The following ANAPC1 variants were observed in gnomAD, a reference collection of about 807,000 sequenced individuals.
The protein encoded by ANAPC1 is anaphase-promoting complex subunit 1.
Under a neutral mutation model 208.0 loss-of-function variants are expected in ANAPC1, and 36 were observed. The ratio of observed to expected loss-of-function variants is 0.17; its 90% CI spans 0.13 to 0.23. The LOEUF is 0.23. Ranked by LOEUF, ANAPC1 falls within the 10% of genes least tolerant of loss-of-function variation. The probability of loss-of-function intolerance (pLI) is 1.00; values close to 1 mark genes in which losing one functional copy is unlikely to be tolerated. For missense variants in ANAPC1, 942 were observed against 2,011.6 expected (o/e 0.47, Z 10.17); for synonymous variants, 378 against 695.2 (o/e 0.54, Z 7.18).
At chr2:111,862,835 A>C (rs1682151865) in intron 9 of ANAPC1, among the ~76,000 whole-genome samples, 1 of 152,076 alleles carries the variant, frequency 6.6e-6, no homozygotes, top group Admixed American at 6.6e-5. Flanking sequence ...TTACAACTAA[A>C]ACTTAGATCA....
intron 16 of ANAPC1, among the ~76,000 whole-genome samples, chr2:111,846,272 C>T (rs1681054771): frequency 6.6e-6 from 1 of 151,536 alleles, no homozygotes. Flanking sequence ...AATTGCATCT[C>T]AGGAATAATT....
At chr2:111,835,437 A>G (rs1157186733) in intron 18 of ANAPC1, among the ~76,000 whole-genome samples, 1 of 152,346 alleles carries the variant, frequency 6.6e-6, no homozygotes, top group East Asian at 1.9e-4. Flanking sequence ...AATGTGGTTT[A>G]TGCTATTTCC....
Position 111,845,452 on chromosome 2 carries a change from T to C in ANAPC1, c.1852+1686A>G, listed in dbSNP as rs552021818. Among the ~76,000 whole-genome samples the C allele has an allele frequency of 9.2e-5, 14 of 152,206 alleles. No individual in the cohort carries two copies. The South Asian group carries it at 1.5e-3, about 16-fold the overall frequency. On this transcript the variant is annotated intron_variant, in intron 16 of 47. Transcript: ENST00000341068. ...TATTAAAATACCAAATAACCAAGTATGTCATAGTGGAATCCAAAATAAGTG... is the reference window on the plus strand; with the variant it reads ...TATTAAAATACCAAATAACCAAGTACGTCATAGTGGAATCCAAAATAAGTG...
intron 22 of ANAPC1, 89 bp downstream of exon 22, chr2:111,825,688 A>C: frequency 1.4e-6 from 2 of 1,379,620 alleles, no homozygotes; most frequent in East Asian, 4.8e-5. Flanking sequence ...TGGCCGCCAA[A>C]GCAAACAAGA....
In ANAPC1 at chr2:111,877,028, T is replaced by C. The variant is rs183289855; in HGVS notation, c.375+1782A>G. On this transcript the variant is annotated intron_variant, in intron 3 of 47. Coordinates refer to ENST00000341068, the MANE Select transcript of ANAPC1 (RefSeq NM_022662.4). ...TTGTGTGTGTGCATTTGTGTACATA[T>C]GGGATTTTCGGAATGGGAATGCTGA... is the stretch of plus-strand genomic sequence containing the variant. 1.4e-3 allele frequency among the ~76,000 whole-genome samples: 210 copies of C among 151,944 alleles called. 2 individuals are homozygous for C. Among genetic ancestry groups the C allele is most frequent in the Admixed American group, 0.01 (154 of 15,218 alleles).
chr2:111,875,498 C>T (rs1682976048), intron 3 of ANAPC1, among the ~76,000 whole-genome samples: 1 of 152,174 alleles, frequency 6.6e-6, no homozygotes, highest in Non-Finnish European at 1.5e-5. Flanking sequence ...TTCCACATCT[C>T]CCTCTGCTTT....
chr2:111,859,855 T>G (rs1053826668), intron 10 of ANAPC1, among the ~76,000 whole-genome samples: 1 of 152,244 alleles, frequency 6.6e-6, no homozygotes, highest in Non-Finnish European at 1.5e-5. Flanking sequence ...TCCTCTGTTC[T>G]GTATTTTCAA....
chr2:111,829,340 G>C (rs975811985), intron 21 of ANAPC1, among the ~76,000 whole-genome samples: 2 of 152,106 alleles, frequency 1.3e-5, no homozygotes, highest in Non-Finnish European at 2.9e-5. Context: ...CCATGGGGGG[G>C]ACTGTGAAGC....
intron 10 of ANAPC1, among the ~76,000 whole-genome samples, chr2:111,858,730 C>G (rs1440942853): frequency 1.3e-5 from 2 of 150,458 alleles, no homozygotes; most frequent in African/African-American, 4.9e-5. Context: ...CCACTGCACT[C>G]CAGCCTGGGC....
chr2:111,883,474 A>G (rs1437017509), intron 1 of ANAPC1, among the ~76,000 whole-genome samples: 2 of 151,884 alleles, frequency 1.3e-5, no homozygotes, highest in Non-Finnish European at 2.9e-5. Context: ...TAAAAATACT[A>G]TTAAATTTAT....
At chr2:111,867,816 CCTCA>C (rs1682520225) in intron 7 of ANAPC1, among the ~76,000 whole-genome samples, 1 of 151,884 alleles carries the variant, frequency 6.6e-6, no homozygotes, top group African/African-American at 2.4e-5. Context: ...TATCGGTATT[CCTCA>C]CTGATTTATA....
intron 15 of ANAPC1, 25 bp from the exon 16 acceptor site, chr2:111,847,223 A>G (rs1681142141): frequency 6.3e-7 from 1 of 1,587,286 alleles, no homozygotes; most frequent in South Asian, 1.1e-5. Flanking sequence ...ATGAGAAAGT[A>G]GATAAAATCT....
intron 16 of ANAPC1, among the ~76,000 whole-genome samples, chr2:111,845,580 AT>A (rs1681008827): frequency 1.3e-5 from 2 of 152,100 alleles, no homozygotes; most frequent in African/African-American, 2.4e-5. Flanking sequence ...AAGGGGTAAG[AT>A]TTTTTGTTTT....
chr2:111,872,739 T>C (rs759821622), intron 5 of ANAPC1, 27 bp from the exon 6 acceptor site: 33 of 1,502,840 alleles, frequency 2.2e-5, no homozygotes, highest in African/African-American at 2.8e-5. Context: ...TGGGAAAAGA[T>C]AGAAGTAAGA....
At chr2:111,773,238 GGAAA>G (rs1209784034) in intron 46 of ANAPC1, among the ~76,000 whole-genome samples, 1 of 151,902 alleles carries the variant, frequency 6.6e-6, no homozygotes. Flanking sequence ...GAGGCTCCAG[GGAAA>G]GAAATTCCCT....
At chr2:111,824,867 C>T in intron 24 of ANAPC1, 99 bp downstream of exon 24, 2 of 1,338,854 alleles carry the variant, frequency 1.5e-6, no homozygotes, top group South Asian at 1.3e-5. Context: ...CTTGTGAGGC[C>T]TTTTCACAAA....
intron 14 of ANAPC1, among the ~76,000 whole-genome samples, chr2:111,849,511 G>C (rs1475685456): frequency 1.3e-5 from 2 of 152,092 alleles, no homozygotes; most frequent in African/African-American, 4.8e-5. Context: ...CCTTTGAACC[G>C]TCCCTAAACA....
At chr2:111,871,577 C>T (rs1682747743) in intron 6 of ANAPC1, among the ~76,000 whole-genome samples, 1 of 152,018 alleles carries the variant, frequency 6.6e-6, no homozygotes, top group Admixed American at 6.6e-5. Flanking sequence ...ATGGAGAAAC[C>T]CCATCTCTAC....
In ANAPC1 at chr2:111,794,460, AT is replaced by A. The variant is rs1239618382; in HGVS notation, c.4374-138del. On this transcript the variant is annotated intron_variant, in intron 35 of 47. Transcript: ENST00000341068. ...ATGATGAAGTGCCCTCAGTCAGCAG[AT>A]TTCTATGTATTTTTTTTTCAGCAGA... 52 of 688,256 alleles carry A rather than the reference AT, an allele frequency of 7.6e-5. No homozygotes were observed. The Admixed American group carries it at 1.8e-3, about 23-fold the overall frequency. The allele number at this position is 688,256 out of a possible 1,614,324, so 42.6% of individuals were successfully genotyped here.
Sources: allele counts gnomAD v4.1 joint callset (sites outside exome capture counted in the v4.1 genomes callset), GRCh38; gene constraint gnomAD v4.1.1; transcripts MANE v1.5; gene names NCBI Gene and HGNC (gene_info 2026-07-23, HGNC 2026-07-21).